USH2A: variants seen among roughly 807,000 people sequenced by gnomAD.
USH2A encodes usherin, also known as Usher syndrome 2A (autosomal recessive, mild).
Under a neutral mutation model 538.9 loss-of-function variants are expected in USH2A, and 443 were observed. That is an observed-to-expected ratio of 0.82 (90% CI 0.76 to 0.89). USH2A has a LOEUF of 0.89. USH2A is among the 40% of genes least tolerant of loss of function. USH2A has a pLI of 0.00. For missense variants in USH2A, 6,633 were observed against 6,324.8 expected (o/e 1.05, Z -1.65); for synonymous variants, 2,413 against 2,273.5 (o/e 1.06, Z -1.75).
chr1:215,844,220 C>T (rs2102821622), intron 46 of USH2A, 74 bp downstream of exon 46: 1 of 1,431,448 alleles, frequency 7.0e-7, no homozygotes, highest in South Asian at 1.2e-5. Context: ...AGAAGATATC[C>T]ACTTGAAGAC....
At chr1:216,250,702 G>T (rs1420167474) in intron 12 of USH2A, among the ~76,000 whole-genome samples, 1 of 152,084 alleles carries the variant, frequency 6.6e-6, no homozygotes, top group Admixed American at 6.6e-5. Context: ...CTAAAGGGTT[G>T]ATTAAACTAA....
chr1:216,403,819 G>A (rs902324655), intron 3 of USH2A, among the ~76,000 whole-genome samples: 31 of 152,100 alleles, frequency 2.0e-4, no homozygotes, highest in African/African-American at 7.5e-4. Context: ...GGCACCTGGC[G>A]GGAGGTGATT....
intron 32 of USH2A, among the ~76,000 whole-genome samples, chr1:216,014,319 G>A (rs899738107): frequency 6.6e-6 from 1 of 152,172 alleles, no homozygotes; most frequent in African/African-American, 2.4e-5. Flanking sequence ...ATGAAAAAAA[G>A]ATTGGTTACA....
chr1:215,883,397 A>C (rs377700833), intron 41 of USH2A, among the ~76,000 whole-genome samples: 28 of 151,804 alleles, frequency 1.8e-4, no homozygotes, highest in African/African-American at 5.8e-4. Flanking sequence ...GCCTTAGAAA[A>C]TCAATCAGAT....
chr1:215,908,478 A>G lies in USH2A; in HGVS notation c.7301-7573T>C, dbSNP rs76089129. Among the ~76,000 whole-genome samples the G allele has an allele frequency of 3.3e-3, 495 of 152,056 alleles. 17 individuals carry two copies. The East Asian group carries it at 0.062, about 19-fold the overall frequency. On this transcript the variant is annotated intron_variant, in intron 38 of 71. Coordinates refer to ENST00000307340, the MANE Select transcript of USH2A (RefSeq NM_206933.4). ...TATCTGTATTTTCCTAAGTACAAAT[A>G]TGTTTATGATATAAACTTTAAAGAT...
chr1:215,798,850 C>T, intron 50 of USH2A, 57 bp downstream of exon 50: 1 of 1,602,608 alleles, frequency 6.2e-7, no homozygotes, highest in Non-Finnish European at 8.5e-7. Context: ...GCAAATTTCT[C>T]ACTCTCTCTG....
intron 26 of USH2A, among the ~76,000 whole-genome samples, chr1:216,080,678 G>A (rs191907890): frequency 1.3e-5 from 2 of 151,602 alleles, no homozygotes; most frequent in Admixed American, 1.3e-4. Context: ...TGAGGGAAAA[G>A]AGCCAATTGA....
chr1:215,920,159 C>T (rs1399781739), intron 38 of USH2A, among the ~76,000 whole-genome samples: 2 of 152,020 alleles, frequency 1.3e-5, no homozygotes, highest in Non-Finnish European at 2.9e-5. Flanking sequence ...TTCTCAAAGA[C>T]CTTTGTGTTC....
intron 32 of USH2A, among the ~76,000 whole-genome samples, chr1:216,027,223 T>A (rs1028361911): frequency 1.8e-4 from 28 of 152,092 alleles, no homozygotes; most frequent in African/African-American, 6.5e-4. Flanking sequence ...ACAGATGCCC[T>A]TATAAGAAGA....
chr1:216,268,727 T>G (rs933238530), intron 11 of USH2A, among the ~76,000 whole-genome samples: 18 of 152,084 alleles, frequency 1.2e-4, no homozygotes, highest in African/African-American at 4.3e-4. Context: ...TTCCACCTTA[T>G]GGTGTTTGCA....
chr1:216,377,559 T>C (rs1355253142), intron 3 of USH2A, among the ~76,000 whole-genome samples: 1 of 152,096 alleles, frequency 6.6e-6, no homozygotes, highest in African/African-American at 2.4e-5. Context: ...AACTTCATAC[T>C]GGTAATTACT....
rs752512862 is a variant in USH2A, at chr1:215,876,567, C to T, written c.8681+1191G>A. 1.1e-3 allele frequency among the ~76,000 whole-genome samples: 160 copies of T among 152,138 alleles called. 1 individual carries two copies. Among genetic ancestry groups the T allele is most frequent in the Non-Finnish European group, 2.9e-4 (20 of 68,030 alleles). On this transcript the variant is annotated intron_variant, in intron 43 of 71. Transcript: ENST00000307340. ...GGAACTGAAGACAGAGTCACGAAGA[C>T]CGCACCCCTGCCTTATGGTAGATCT... is the stretch of plus-strand genomic sequence containing the variant.
intron 30 of USH2A, among the ~76,000 whole-genome samples, chr1:216,053,872 CCCAAG>C (rs1407138864): frequency 6.6e-6 from 1 of 152,082 alleles, no homozygotes; most frequent in African/African-American, 2.4e-5. Flanking sequence ...GTGCAGAAAG[CCCAAG>C]CTGAAAGATC....
At chr1:215,967,886 G>T (rs17025799) in intron 36 of USH2A, among the ~76,000 whole-genome samples, 7,253 of 151,988 alleles carry the variant, frequency 0.048, 266 homozygotes, top group African/African-American at 0.1. Flanking sequence ...CTATAGTCTC[G>T]CATATCATCC....
chr1:215,756,517 C>T (rs1289433142), intron 58 of USH2A, among the ~76,000 whole-genome samples: 1 of 152,124 alleles, frequency 6.6e-6, no homozygotes, highest in East Asian at 1.9e-4. Context: ...TGGTCTAAAT[C>T]TAAAACTTTC....
At chr1:216,129,880 A>T (rs1428482459) in intron 21 of USH2A, among the ~76,000 whole-genome samples, 1 of 152,156 alleles carries the variant, frequency 6.6e-6, no homozygotes, top group Non-Finnish European at 1.5e-5. Context: ...AAAGAACAGA[A>T]TAAAGAACCC....
intron 4 of USH2A, 132 bp downstream of exon 4, chr1:216,364,821 G>T: frequency 8.3e-7 from 1 of 1,208,390 alleles, no homozygotes; most frequent in Non-Finnish European, 1.2e-6. Flanking sequence ...CTGCCATCCA[G>T]TTGGTGGTAA....
At chr1:215,796,965 T>G (rs1445087687) in intron 50 of USH2A, among the ~76,000 whole-genome samples, 1 of 152,204 alleles carries the variant, frequency 6.6e-6, no homozygotes. Flanking sequence ...TTATAAGGTA[T>G]GTGAGAATGA....
chr1:216,187,637 C>G (rs976225900), intron 20 of USH2A, among the ~76,000 whole-genome samples: 3 of 151,806 alleles, frequency 2.0e-5, no homozygotes, highest in Non-Finnish European at 2.9e-5. Context: ...AAAATAAACT[C>G]TCCTTGATTT....
Sources: allele counts gnomAD v4.1 joint callset (sites outside exome capture counted in the v4.1 genomes callset), GRCh38; gene constraint gnomAD v4.1.1; transcripts MANE v1.5; gene names NCBI Gene and HGNC (gene_info 2026-07-23, HGNC 2026-07-21).